The following PTPRD variants were observed in gnomAD, a reference collection of about 807,000 sequenced individuals.
PTPRD encodes the protein protein tyrosine phosphatase receptor type D.
PTPRD carries 34 observed loss-of-function variants against 214.5 expected under a neutral mutation model. The ratio of observed to expected loss-of-function variants is 0.16; its 90% CI spans 0.12 to 0.21. The LOEUF (loss-of-function observed/expected upper bound fraction) is 0.21, where lower values mean the gene tolerates loss of function less well. Among genes scored for constraint, PTPRD ranks in the 10% least tolerant of loss-of-function variants. The pLI, the probability that PTPRD is intolerant of heterozygous loss-of-function variation, is 1.00. For missense variants in PTPRD, 2,545 were observed against 2,398.7 expected, an observed-to-expected ratio of 1.06 and a Z score of -1.27; for synonymous variants, 1,128 against 845.7, an observed-to-expected ratio of 1.33 and a Z score of -5.79.
intron 12 of PTPRD, among the ~76,000 whole-genome samples, chr9:8,716,048 T>C (rs919831666): frequency 2.6e-5 from 4 of 152,202 alleles, no homozygotes; most frequent in African/African-American, 9.6e-5. Flanking sequence ...TCACATTGGG[T>C]AGCCACAGCA....
intron 10 of PTPRD, among the ~76,000 whole-genome samples, chr9:9,030,572 C>T (rs1055850415): frequency 4.0e-5 from 6 of 151,630 alleles, no homozygotes; most frequent in Non-Finnish European, 8.8e-5. Context: ...GGAAACAGAG[C>T]CAATAGAGAA....
chr9:8,484,269 C>T lies in PTPRD; in HGVS notation c.3263G>A (p.Arg1088His), dbSNP rs2135780073. The T allele has an allele frequency of 6.2e-7, 1 of 1,614,108 alleles. No homozygotes were observed. Among genetic ancestry groups the T allele is most frequent in the Non-Finnish European group, 8.5e-7 (1 of 1,180,014 alleles). Residue 1088 changes from arginine (R) to histidine (H), a missense_variant, in exon 30 of 46, where the codon CGT becomes CAT. By Grantham distance (29) the Arg-to-His change is conservative. Coordinates refer to ENST00000381196, the MANE Select transcript of PTPRD (RefSeq NM_002839.4). ...CTGCAGCCCACCAGCACTGTTTCCACGATTTGTCAGCACAAATGAATATGA... is the reference window on the plus strand; with the variant it reads ...CTGCAGCCCACCAGCACTGTTTCCATGATTTGTCAGCACAAATGAATATGA... ...EKSYSFVLTNRGNSAGGLQHR... is the reference protein window; with the variant it reads ...EKSYSFVLTNHGNSAGGLQHR...
At chr9:10,498,048 T>C (rs1298924408) in intron 2 of PTPRD, among the ~76,000 whole-genome samples, 1 of 152,016 alleles carries the variant, frequency 6.6e-6, no homozygotes, top group Non-Finnish European at 1.5e-5. Context: ...TTTTGCTTGC[T>C]TCATGCATAA....
At chr9:10,488,449 C>T (rs1407539220) in intron 2 of PTPRD, among the ~76,000 whole-genome samples, 2 of 150,974 alleles carry the variant, frequency 1.3e-5, no homozygotes, top group African/African-American at 2.4e-5. Flanking sequence ...CCACTGTAAT[C>T]ATTCCCTGAC....
chr9:9,667,172 A>T (rs543524360), intron 7 of PTPRD, among the ~76,000 whole-genome samples: 48 of 151,986 alleles, frequency 3.2e-4, no homozygotes, highest in African/African-American at 1.2e-3. Context: ...GTGACCCCCA[A>T]CCCAACCAAC....
chr9:8,421,587 C>T (rs2094368992), intron 35 of PTPRD, among the ~76,000 whole-genome samples: 1 of 152,146 alleles, frequency 6.6e-6, no homozygotes, highest in Admixed American at 6.5e-5. Context: ...CTGCCATATA[C>T]ACAGTGACAG....
intron 14 of PTPRD, among the ~76,000 whole-genome samples, chr9:8,586,553 TC>T (rs2093672691): frequency 6.6e-6 from 1 of 152,154 alleles, no homozygotes; most frequent in Admixed American, 6.5e-5. Context: ...CTTGGTTAAA[TC>T]ATTCCATTTT....
chr9:9,963,195 A>G (rs1403794718), intron 4 of PTPRD, among the ~76,000 whole-genome samples: 1 of 152,106 alleles, frequency 6.6e-6, no homozygotes, highest in African/African-American at 2.4e-5. Flanking sequence ...ACTGAGATTT[A>G]AAAAATCCTT....
intron 11 of PTPRD, among the ~76,000 whole-genome samples, chr9:8,960,662 G>T (rs2099154136): frequency 6.6e-6 from 1 of 152,122 alleles, no homozygotes; most frequent in South Asian, 2.1e-4. Flanking sequence ...TCTTCAGTCT[G>T]TGGGAGAAAT....
At chr9:8,704,405 GAAGAAGGAA>G (rs1169791474) in intron 12 of PTPRD, among the ~76,000 whole-genome samples, 2 of 152,064 alleles carry the variant, frequency 1.3e-5, no homozygotes, top group African/African-American at 2.4e-5. Flanking sequence ...AGGAGGATGG[GAAGAAGGAA>G]AAAAAGGAAT....
intron 3 of PTPRD, among the ~76,000 whole-genome samples, chr9:10,114,539 TTATACA>T (rs1364178544): frequency 6.6e-6 from 1 of 152,172 alleles, no homozygotes; most frequent in African/African-American, 2.4e-5. Context: ...TCTCATAAAC[TTATACA>T]TATATATGTG....
At chr9:9,356,966 G>A (rs1035470199) in intron 9 of PTPRD, among the ~76,000 whole-genome samples, 5 of 151,276 alleles carry the variant, frequency 3.3e-5, no homozygotes, top group Non-Finnish European at 7.4e-5. Flanking sequence ...GTAAAATAAG[G>A]TCAAGCAACC....
At chr9:9,984,554 G>C (rs1466738070) in intron 4 of PTPRD, among the ~76,000 whole-genome samples, 9 of 152,318 alleles carry the variant, frequency 5.9e-5, no homozygotes, top group Middle Eastern at 3.4e-3. Flanking sequence ...GGGTGTATGG[G>C]TACACAGAGT....
At chr9:9,703,087 T>C (rs1461229583) in intron 7 of PTPRD, among the ~76,000 whole-genome samples, 1 of 152,136 alleles carries the variant, frequency 6.6e-6, no homozygotes, top group African/African-American at 2.4e-5. Flanking sequence ...AAGAGGTGAT[T>C]GGATGGTGGG....
intron 3 of PTPRD, among the ~76,000 whole-genome samples, chr9:10,229,403 G>A (rs998025920): frequency 1.3e-5 from 2 of 151,930 alleles, no homozygotes; most frequent in African/African-American, 4.8e-5. Flanking sequence ...ACATGCACAC[G>A]TATGTTTATT....
At chr9:8,857,098 G>A (rs759200300) in intron 11 of PTPRD, among the ~76,000 whole-genome samples, 1 of 152,144 alleles carries the variant, frequency 6.6e-6, no homozygotes, top group African/African-American at 2.4e-5. Context: ...TTCTGCCACG[G>A]GAAGGTCTCC....
At chr9:8,411,769 G>T (rs1048188066) in intron 35 of PTPRD, among the ~76,000 whole-genome samples, 1 of 152,178 alleles carries the variant, frequency 6.6e-6, no homozygotes. Flanking sequence ...ATCAGATAAG[G>T]TGAATAATAA....
At chr9:10,365,485 T>C (rs897900983) in intron 2 of PTPRD, among the ~76,000 whole-genome samples, 3 of 152,238 alleles carry the variant, frequency 2.0e-5, no homozygotes, top group African/African-American at 7.2e-5. Context: ...TGACAGTTTT[T>C]ATTTATTCTT....
intron 10 of PTPRD, among the ~76,000 whole-genome samples, chr9:9,120,522 T>G (rs2099816605): frequency 6.6e-6 from 1 of 152,202 alleles, no homozygotes. Flanking sequence ...ATGCCTCCAT[T>G]GCATATAAAA....
Sources: allele counts gnomAD v4.1 joint callset (sites outside exome capture counted in the v4.1 genomes callset), GRCh38; gene constraint gnomAD v4.1.1; transcripts MANE v1.5; gene names NCBI Gene and HGNC (gene_info 2026-07-23, HGNC 2026-07-21).